Variants in CNTN4 observed in about 807,000 individuals in gnomAD.
The protein encoded by CNTN4 is contactin 4.
CNTN4 carries 77 observed loss-of-function variants against 122.5 expected under a neutral mutation model. The ratio of observed to expected loss-of-function variants is 0.63; its 90% CI spans 0.52 to 0.76. CNTN4 has a LOEUF of 0.76. Ranked by LOEUF, CNTN4 falls within the 30% of genes least tolerant of loss-of-function variation. The pLI, the probability that CNTN4 is intolerant of heterozygous loss-of-function variation, is 0.00. For synonymous variants in CNTN4, 512 were observed against 447.0 expected (o/e 1.15, Z -1.83); for missense variants, 1,256 against 1,259.1 (o/e 1.00, Z 0.04).
In CNTN4 at chr3:2,817,002, T is replaced by C. The variant is rs560737413; in HGVS notation, c.359-2484T>C. On this transcript the variant is annotated intron_variant, in intron 6 of 24. Transcript: ENST00000418658. ...CCCATTTACACACATAGCTCTTGAC[T>C]TAGAAAAGTATCATGTTGTTAACTG... Among the ~76,000 whole-genome samples the C allele has an allele frequency of 5.7e-4, 87 of 152,300 alleles. 1 individual carries two copies. Among genetic ancestry groups the C allele is most frequent in the Non-Finnish European group, 1.0e-3 (71 of 68,028 alleles).
intron 4 of CNTN4, among the ~76,000 whole-genome samples, chr3:2,701,026 C>T (rs2600288): frequency 0.79 from 120,872 of 152,200 alleles, 48,354 homozygotes; most frequent in African/African-American, 0.89. Context: ...TAATGCTTCA[C>T]ACCAGTGTTT....
intron 7 of CNTN4, among the ~76,000 whole-genome samples, chr3:2,832,551 A>G (rs2093126859): frequency 6.6e-6 from 1 of 152,206 alleles, no homozygotes; most frequent in East Asian, 1.9e-4. Flanking sequence ...ACAAGAGAGT[A>G]GAAGGAAAGG....
intron 4 of CNTN4, among the ~76,000 whole-genome samples, chr3:2,589,119 A>T (rs2080341327): frequency 6.6e-6 from 1 of 152,196 alleles, no homozygotes; most frequent in African/African-American, 2.4e-5. Context: ...AAGGGGCCAG[A>T]TTAACCCCTG....
intron 4 of CNTN4, among the ~76,000 whole-genome samples, chr3:2,685,034 CT>C (rs796357579): frequency 1.3e-5 from 2 of 151,942 alleles, no homozygotes; most frequent in South Asian, 2.1e-4. Flanking sequence ...TAGCGATTAG[CT>C]TTTTTTTACA....
intron 3 of CNTN4, among the ~76,000 whole-genome samples, chr3:2,474,268 T>TTCTTGC (rs574909587): frequency 6.6e-6 from 1 of 152,194 alleles, no homozygotes; most frequent in South Asian, 2.1e-4. Context: ...AAAGCAGTAT[T>TTCTTGC]TCTTGCTCTT....
At chr3:2,477,042 G>A (rs1336037809) in intron 3 of CNTN4, among the ~76,000 whole-genome samples, 1 of 152,154 alleles carries the variant, frequency 6.6e-6, no homozygotes, top group Non-Finnish European at 1.5e-5. Context: ...CCCTAACCAA[G>A]ATTGGAATTG....
At chr3:2,994,024 T>C (rs969714645) in intron 14 of CNTN4, among the ~76,000 whole-genome samples, 1 of 152,222 alleles carries the variant, frequency 6.6e-6, no homozygotes, top group Non-Finnish European at 1.5e-5. Flanking sequence ...TTCAATTTGA[T>C]TCTCCAGCAT....
chr3:2,909,021 G>A (rs540049836), intron 12 of CNTN4, among the ~76,000 whole-genome samples: 1 of 152,188 alleles, frequency 6.6e-6, no homozygotes, highest in Non-Finnish European at 1.5e-5. Context: ...CATCTACCCA[G>A]GTGATTGGCT....
intron 6 of CNTN4, among the ~76,000 whole-genome samples, chr3:2,802,898 T>C (rs1485377829): frequency 6.6e-6 from 1 of 152,200 alleles, no homozygotes; most frequent in Admixed American, 6.5e-5. Flanking sequence ...TCTTTATGAC[T>C]TCAGGATAAA....
chr3:2,295,077 T>C (rs1266217741), intron 2 of CNTN4, among the ~76,000 whole-genome samples: 5 of 151,562 alleles, frequency 3.3e-5, no homozygotes, highest in Admixed American at 1.3e-4. Flanking sequence ...CAGTCTATCA[T>C]TGATGGACAT....
intron 12 of CNTN4, among the ~76,000 whole-genome samples, chr3:2,920,211 C>G (rs1435615988): frequency 6.6e-6 from 1 of 151,338 alleles, no homozygotes. Context: ...CACAGACTCT[C>G]TCTCACACAC....
chr3:2,938,823 C>T (rs972848827), intron 13 of CNTN4, among the ~76,000 whole-genome samples: 1 of 152,160 alleles, frequency 6.6e-6, no homozygotes, highest in Non-Finnish European at 1.5e-5. Flanking sequence ...CTACCTCAGC[C>T]GTGCCTTTGT....
chr3:2,387,720 T>TAAA lies in CNTN4; in HGVS notation c.-89+48487_-89+48488insAAA, dbSNP rs1330014963. ...CAATTTTCAAAGCAGGTTTTCTTGTTTTATTTTGCTGTTTTTCCTGCAAGA... is the reference window on the plus strand; with the variant it reads ...CAATTTTCAAAGCAGGTTTTCTTGTTAAATTATTTTGCTGTTTTTCCTGCAAGA... On this transcript the variant is annotated intron_variant, in intron 3 of 24. Coordinates refer to ENST00000418658, the MANE Select transcript of CNTN4 (RefSeq NM_175607.3). Among the ~76,000 whole-genome samples, 3 of 152,206 alleles carry TAAA rather than the reference T, an allele frequency of 2.0e-5. No homozygotes were observed. The East Asian group carries it at 5.8e-4, about 29-fold the overall frequency.
chr3:2,735,625 C>T (rs569903232), intron 4 of CNTN4, among the ~76,000 whole-genome samples: 3 of 152,194 alleles, frequency 2.0e-5, no homozygotes, highest in South Asian at 2.1e-4. Flanking sequence ...CTTCATAAGA[C>T]GTTGGGAAAA....
chr3:2,625,363 C>A (rs949483981), intron 4 of CNTN4, among the ~76,000 whole-genome samples: 1 of 152,178 alleles, frequency 6.6e-6, no homozygotes, highest in African/African-American at 2.4e-5. Context: ...AGAATACTTA[C>A]AAAGTATACC....
chr3:2,296,152 G>A (rs537940517), intron 2 of CNTN4, among the ~76,000 whole-genome samples: 2 of 152,164 alleles, frequency 1.3e-5, no homozygotes, highest in South Asian at 4.2e-4. Context: ...GATTGACTTG[G>A]CGATGCGGGC....
chr3:2,849,821 A>G (rs1007556316), intron 7 of CNTN4, among the ~76,000 whole-genome samples: 2 of 152,140 alleles, frequency 1.3e-5, no homozygotes, highest in African/African-American at 4.8e-5. Context: ...TCAGGTGGAG[A>G]TCCACAGCCT....
At chr3:2,512,750 G>A (rs1204967224) in intron 3 of CNTN4, among the ~76,000 whole-genome samples, 2 of 152,142 alleles carry the variant, frequency 1.3e-5, no homozygotes, top group African/African-American at 4.8e-5. Context: ...CCTGAAAAGG[G>A]GAATTGAAGT....
Position 2,942,121 on chromosome 3 carries a change from C to A in CNTN4, c.1358+16342C>A, listed in dbSNP as rs182133709. Among the ~76,000 whole-genome samples the A allele has an allele frequency of 2.6e-5, 4 of 152,278 alleles. No individual in the cohort carries two copies. In the East Asian group the frequency reaches 7.7e-4, roughly 29 times the overall value. ...CACCACTATTTATCCAGCACTAGCC[C>A]TGGAATACAACTTAGGGCTTTAGTC... is the stretch of plus-strand genomic sequence containing the variant. On this transcript the variant is annotated intron_variant, in intron 13 of 24. Coordinates refer to ENST00000418658, the MANE Select transcript of CNTN4 (RefSeq NM_175607.3).
Sources: gnomAD v4.1 joint callset for allele counts (sites outside exome capture counted in the v4.1 genomes callset) on GRCh38, gnomAD v4.1.1 for gene constraint, MANE v1.5 for transcripts, NCBI Gene and HGNC (gene_info 2026-07-23, HGNC 2026-07-21) for gene names.